Variants in NKAIN2 observed in about 807,000 individuals in gnomAD.
The protein encoded by NKAIN2 is sodium/potassium-transporting ATPase subunit beta-1-interacting protein 2.
A neutral mutation model predicts 32.6 loss-of-function variants in NKAIN2; 14 were observed. The ratio of observed to expected loss-of-function variants is 0.43; its 90% CI spans 0.28 to 0.67. The LOEUF is 0.67. Ranked by LOEUF, NKAIN2 falls within the 30% of genes least tolerant of loss-of-function variation. The pLI is 0.17. For synonymous variants in NKAIN2, 80 were observed against 87.2 expected (o/e 0.92, Z 0.46); for missense variants, 198 against 258.3 (o/e 0.77, Z 1.60).
intron 1 of NKAIN2, among the ~76,000 whole-genome samples, chr6:124,033,718 G>T (rs111647319): frequency 2.0e-4 from 31 of 152,268 alleles, no homozygotes; most frequent in Middle Eastern, 3.4e-3. Flanking sequence ...GTTGGGTCAT[G>T]AATGCTGGCA....
chr6:124,448,521 A>G (rs1173725958), intron 3 of NKAIN2, among the ~76,000 whole-genome samples: 1 of 152,160 alleles, frequency 6.6e-6, no homozygotes, highest in African/African-American at 2.4e-5. Flanking sequence ...ACTGGCTAAC[A>G]GAGAGACACT....
intron 1 of NKAIN2, among the ~76,000 whole-genome samples, chr6:123,882,045 A>G (rs1057193083): frequency 6.6e-6 from 1 of 152,176 alleles, no homozygotes; most frequent in Non-Finnish European, 1.5e-5. Flanking sequence ...CTAAAAATCT[A>G]TGAATATTTT....
At position 123,964,073 on chromosome 6, in the gene NKAIN2, A is replaced by G. The variant is rs1358684997; in HGVS notation, c.54+159819A>G. Among the ~76,000 whole-genome samples the G allele has an allele frequency of 6.6e-6, 1 of 152,170 alleles. No homozygotes were observed. The highest frequency in any genetic ancestry group is 1.5e-5 in the Non-Finnish European group (1 of 68,034). On this transcript the variant is annotated intron_variant, in intron 1 of 6. Transcript: ENST00000368417. The surrounding 1 kb of genome is among the most constrained non-coding windows in gnomAD (Gnocchi z 4.0). ...TTGAAAAATGAATCCTTGTTCAGGA[A>G]CACAACATCCAATTACAAAATTACT... is the stretch of plus-strand genomic sequence containing the variant.
chr6:124,515,606 C>G (rs1778877852), intron 3 of NKAIN2, among the ~76,000 whole-genome samples: 1 of 152,034 alleles, frequency 6.6e-6, no homozygotes, highest in Non-Finnish European at 1.5e-5. Context: ...CCAAAGACCC[C>G]CCATTAGGCT....
chr6:124,148,869 G>A (rs930563577), intron 1 of NKAIN2, among the ~76,000 whole-genome samples: 11 of 152,160 alleles, frequency 7.2e-5, no homozygotes, highest in African/African-American at 2.7e-4. Context: ...AACAATTTGA[G>A]AAGCTGCTAA....
At chr6:124,331,658 T>C (rs761269907) in intron 2 of NKAIN2, among the ~76,000 whole-genome samples, 4 of 152,198 alleles carry the variant, frequency 2.6e-5, no homozygotes, top group Non-Finnish European at 4.4e-5. Flanking sequence ...TTGCTTACCT[T>C]GTAACACCTT....
intron 1 of NKAIN2, among the ~76,000 whole-genome samples, chr6:123,899,227 C>T (rs1346838306): frequency 6.6e-6 from 1 of 152,344 alleles, no homozygotes; most frequent in South Asian, 2.1e-4. Flanking sequence ...AATTTTAATA[C>T]AGGTTTAAGG....
intron 4 of NKAIN2, among the ~76,000 whole-genome samples, chr6:124,673,843 G>T (rs1435600214): frequency 6.6e-6 from 1 of 151,696 alleles, no homozygotes; most frequent in Non-Finnish European, 1.5e-5. Flanking sequence ...TGCCTTTTCA[G>T]TCTGTTTATT....
At chr6:124,344,555 G>T (rs548610627) in intron 2 of NKAIN2, among the ~76,000 whole-genome samples, 1 of 151,616 alleles carries the variant, frequency 6.6e-6, no homozygotes, top group Admixed American at 6.6e-5. Context: ...CACGTCCCTT[G>T]TAAGTTGGAT....
chr6:124,806,722 G>A (rs978527755), intron 5 of NKAIN2, among the ~76,000 whole-genome samples: 7 of 152,110 alleles, frequency 4.6e-5, no homozygotes, highest in African/African-American at 1.7e-4. Context: ...AGACCCATCA[G>A]TGTGCTGTAT....
At chr6:123,883,702 G>A (rs1244451740) in intron 1 of NKAIN2, among the ~76,000 whole-genome samples, 2 of 147,704 alleles carry the variant, frequency 1.4e-5, no homozygotes, top group Admixed American at 1.3e-4. Context: ...TACCGGCCAG[G>A]CAATTTAAAA....
intron 1 of NKAIN2, among the ~76,000 whole-genome samples, chr6:124,147,585 A>G (rs924649159): frequency 5.9e-5 from 9 of 152,156 alleles, no homozygotes; most frequent in African/African-American, 2.2e-4. Context: ...ATGTTTTGCA[A>G]TTTAATTAGG....
At chr6:124,346,136 G>C (rs9385325) in intron 2 of NKAIN2, among the ~76,000 whole-genome samples, 77,934 of 151,940 alleles carry the variant, frequency 0.51, 21,308 homozygotes, top group African/African-American at 0.72. Context: ...CCATGTAGTT[G>C]AGCAGTTTTG....
chr6:123,852,937 G>A (rs1365249597), intron 1 of NKAIN2, among the ~76,000 whole-genome samples: 1 of 152,158 alleles, frequency 6.6e-6, no homozygotes, highest in Non-Finnish European at 1.5e-5. Context: ...CTATTATGTG[G>A]CATTAATTAA....
At chr6:123,975,221 T>G (rs1302059983) in intron 1 of NKAIN2, among the ~76,000 whole-genome samples, 2 of 152,142 alleles carry the variant, frequency 1.3e-5, no homozygotes, top group Non-Finnish European at 2.9e-5. Flanking sequence ...TTGAATAAAC[T>G]GGGTTTGAAA....
At chr6:123,998,810 C>CAT (rs142017827) in intron 1 of NKAIN2, among the ~76,000 whole-genome samples, 17,336 of 127,476 alleles carry the variant, frequency 0.14, 1,258 homozygotes, top group Middle Eastern at 0.22. Flanking sequence ...ATGGTATATA[C>CAT]ATATATATAT....
chr6:124,305,731 G>C (rs903277368), intron 2 of NKAIN2, among the ~76,000 whole-genome samples: 5 of 152,030 alleles, frequency 3.3e-5, no homozygotes, highest in African/African-American at 1.2e-4. Context: ...TCTTAGCTTT[G>C]CTCATCTTTT....
chr6:124,797,499 C>T lies in NKAIN2; in HGVS notation c.535+6100C>T, dbSNP rs145940326. Among the ~76,000 whole-genome samples, 559 of 152,296 alleles carry T rather than the reference C, an allele frequency of 3.7e-3. 2 individuals are homozygous for T. Among genetic ancestry groups the T allele is most frequent in the African/African-American group, 0.013 (538 of 41,554 alleles). On this transcript the variant is annotated intron_variant, in intron 5 of 6. Transcript: ENST00000368417. ...TTGGAGTTAGACACATGCACATTTA[C>T]ACCAACCAAGCACAAATGCATCAAA... is the stretch of plus-strand genomic sequence containing the variant.
intron 1 of NKAIN2, among the ~76,000 whole-genome samples, chr6:124,150,933 ATGTT>A (rs1582744348): frequency 6.6e-6 from 1 of 152,136 alleles, no homozygotes; most frequent in South Asian, 2.1e-4. Context: ...AGCATTTAAA[ATGTT>A]TGTAAGTAAC....
Sources: gnomAD v4.1 joint callset for allele counts (sites outside exome capture counted in the v4.1 genomes callset) on GRCh38, gnomAD v4.1.1 for gene constraint, Gnocchi (gnomAD v3.1) non-coding constraint, MANE v1.5 for transcripts, NCBI Gene and HGNC (gene_info 2026-07-23, HGNC 2026-07-21) for gene names.